Variants in LRP1B observed in about 807,000 individuals in gnomAD.
LRP1B encodes LDL receptor related protein 1B.
Under a neutral mutation model 556.6 loss-of-function variants are expected in LRP1B, and 217 were observed. That is an observed-to-expected ratio of 0.39 (90% CI 0.35 to 0.44). LRP1B has a LOEUF of 0.44. Ranked by LOEUF, LRP1B falls within the 20% of genes least tolerant of loss-of-function variation. The probability of loss-of-function intolerance (pLI) is 1.00; values close to 1 mark genes in which losing one functional copy is unlikely to be tolerated. For synonymous variants in LRP1B, 2,047 were observed against 1,865.8 expected, an observed-to-expected ratio of 1.10 and a Z score of -2.50; for missense variants, 5,053 against 5,620.8, an observed-to-expected ratio of 0.90 and a Z score of 3.23.
chr2:141,163,888 A>G (rs1680139549), intron 7 of LRP1B, among the ~76,000 whole-genome samples: 2 of 152,122 alleles, frequency 1.3e-5, no homozygotes. Context: ...CTGCATGGGT[A>G]AACTATACCT....
intron 3 of LRP1B, among the ~76,000 whole-genome samples, chr2:141,336,286 G>A (rs1687847782): frequency 2.0e-5 from 3 of 152,162 alleles, no homozygotes; most frequent in Non-Finnish European, 4.4e-5. Flanking sequence ...TAGGCTACAA[G>A]CTGTCTTGCT....
At chr2:141,689,144 C>G (rs1328242220) in intron 2 of LRP1B, among the ~76,000 whole-genome samples, 1 of 151,786 alleles carries the variant, frequency 6.6e-6, no homozygotes, top group African/African-American at 2.4e-5. Flanking sequence ...CATCGTTTTC[C>G]CTTTGTCTTT....
intron 3 of LRP1B, among the ~76,000 whole-genome samples, chr2:141,358,875 A>C (rs1202734450): frequency 6.6e-6 from 1 of 152,204 alleles, no homozygotes; most frequent in East Asian, 1.9e-4. Flanking sequence ...ATAATATAGT[A>C]TGATTTCAAG....
chr2:141,133,834 CT>C (rs924993145), intron 7 of LRP1B, among the ~76,000 whole-genome samples: 1 of 151,882 alleles, frequency 6.6e-6, no homozygotes, highest in Non-Finnish European at 1.5e-5. Context: ...ATGATTGCCC[CT>C]GATTTTTAAA....
rs1680429484 is a variant in LRP1B at position 141,427,955 on chromosome 2, A to T, written c.343+52441T>A. Among the ~76,000 whole-genome samples the T allele has an allele frequency of 2.0e-5, 3 of 152,308 alleles. No homozygotes were observed. The South Asian group carries it at 6.2e-4, about 32-fold the overall frequency. On this transcript the variant is annotated intron_variant, in intron 3 of 90. Transcript: ENST00000389484. Reference sequence around the variant, plus strand: ...AGCACTTTTTTATAAATCTAAGAGTACTTTTCACTACTAGAAATGTTATAT... The same window carrying T: ...AGCACTTTTTTATAAATCTAAGAGTTCTTTTCACTACTAGAAATGTTATAT...
chr2:141,855,788 C>T (rs907083767), intron 1 of LRP1B, among the ~76,000 whole-genome samples: 2 of 152,144 alleles, frequency 1.3e-5, no homozygotes, highest in Non-Finnish European at 2.9e-5. Flanking sequence ...TTTAAAAATA[C>T]ATTCATTTGT....
intron 3 of LRP1B, among the ~76,000 whole-genome samples, chr2:141,302,675 C>T (rs1686441659): frequency 6.6e-6 from 1 of 152,040 alleles, no homozygotes; most frequent in South Asian, 2.1e-4. Flanking sequence ...CAGTCTTCTT[C>T]CTTTTTCTCA....
intron 2 of LRP1B, among the ~76,000 whole-genome samples, chr2:141,603,111 A>G (rs1405289940): frequency 6.6e-6 from 1 of 152,212 alleles, no homozygotes; most frequent in Non-Finnish European, 1.5e-5. Context: ...ATTAAATTTA[A>G]GCATAGCTGT....
At position 141,927,173 on chromosome 2, in the gene LRP1B, TTAGA is replaced by T. The variant is rs1700356256; in HGVS notation, c.83-116776_83-116773del. On this transcript the variant is annotated intron_variant, in intron 1 of 90. Transcript: ENST00000389484. ...TAAAAGATGTTAGATTACAATACTT[TTAGA>T]AAGAAAATGATGACCCATTCCCCTA... is the stretch of plus-strand genomic sequence containing the variant. Among the ~76,000 whole-genome samples, 3 of 151,560 alleles carry T rather than the reference TTAGA, an allele frequency of 2.0e-5. No individual in the cohort carries two copies. The South Asian group carries it at 6.2e-4, about 31-fold the overall frequency.
chr2:141,338,032 G>C (rs529904596), intron 3 of LRP1B, among the ~76,000 whole-genome samples: 4 of 152,252 alleles, frequency 2.6e-5, no homozygotes, highest in Non-Finnish European at 5.9e-5. Context: ...CAATCAACCT[G>C]GTTCAGGCCA....
intron 31 of LRP1B, among the ~76,000 whole-genome samples, chr2:140,816,846 G>A (rs1334616612): frequency 6.6e-6 from 1 of 151,998 alleles, no homozygotes; most frequent in Non-Finnish European, 1.5e-5. Flanking sequence ...TAATGCAAAT[G>A]TTTTTGCATC....
chr2:141,167,356 A>G (rs1172714717), intron 7 of LRP1B: 2 of 151,902 alleles, frequency 1.3e-5, no homozygotes, highest in African/African-American at 4.8e-5. Context: ...TGAAGTGGCA[A>G]TTAACATTTT....
At chr2:141,458,124 A>G (rs1166892783) in intron 3 of LRP1B, among the ~76,000 whole-genome samples, 2 of 152,158 alleles carry the variant, frequency 1.3e-5, no homozygotes, top group Non-Finnish European at 2.9e-5. Context: ...TCAATCCCTA[A>G]AGGGTAAAAA....
chr2:141,123,363 C>T (rs1431465647), intron 7 of LRP1B, among the ~76,000 whole-genome samples: 1 of 151,648 alleles, frequency 6.6e-6, no homozygotes, highest in Non-Finnish European at 1.5e-5. Flanking sequence ...TAGATTTGGC[C>T]TCTTTTAAGA....
rs375520519 is a variant in LRP1B, at chr2:140,907,901, C to T, written c.3496G>A (p.Gly1166Ser). ...CCACAGAGATAGCCTTCATCAGAGC[C>T]ATCAGGACAATCCTTTTTCCCATTG... Reference protein sequence around the residue: ...LCNGKKDCPDGSDEGYLCDEC... With the variant: ...LCNGKKDCPDSSDEGYLCDEC... Residue 1166 changes from glycine (G) to serine (S), a missense_variant, in exon 22 of 91, where the codon GGC becomes AGC. Gly to Ser is a moderately conservative substitution (Grantham distance 56). Transcript: ENST00000389484. 3.0e-5 allele frequency: 48 copies of T among 1,613,418 alleles called. No homozygotes were observed. In the Admixed American group the frequency reaches 3.5e-4, roughly 12 times the overall value.
intron 60 of LRP1B, among the ~76,000 whole-genome samples, chr2:140,463,883 C>T (rs114301935): frequency 0.049 from 7,485 of 152,070 alleles, 265 homozygotes; most frequent in Non-Finnish European, 0.057. Context: ...AAGTGTAATA[C>T]GTAATGTGGA....
intron 66 of LRP1B, among the ~76,000 whole-genome samples, chr2:140,400,023 C>T (rs1684424962): frequency 6.6e-6 from 1 of 152,180 alleles, no homozygotes; most frequent in African/African-American, 2.4e-5. Context: ...AGAACAACAA[C>T]ATCTTGAGAT....
intron 2 of LRP1B, among the ~76,000 whole-genome samples, chr2:141,658,130 T>C (rs1211523547): frequency 6.6e-6 from 1 of 152,026 alleles, no homozygotes; most frequent in African/African-American, 2.4e-5. Context: ...ATAGGTATCA[T>C]TTAAAGGAAA....
At chr2:142,086,306 A>G (rs1166854074) in intron 1 of LRP1B, among the ~76,000 whole-genome samples, 2 of 152,166 alleles carry the variant, frequency 1.3e-5, no homozygotes, top group Non-Finnish European at 2.9e-5. Flanking sequence ...GGTGTTGGAC[A>G]GGAAAACATT....
Sources: allele counts gnomAD v4.1 joint callset (sites outside exome capture counted in the v4.1 genomes callset), GRCh38; gene constraint gnomAD v4.1.1; transcripts MANE v1.5; gene names NCBI Gene and HGNC (gene_info 2026-07-23, HGNC 2026-07-21).